ATP9B: variants seen among roughly 807,000 people sequenced by gnomAD.
The protein encoded by ATP9B is probable phospholipid-transporting ATPase IIB.
ATP9B carries 110 observed loss-of-function variants against 146.1 expected under a neutral mutation model. That is an observed-to-expected ratio of 0.75 (90% CI 0.65 to 0.88). The LOEUF (loss-of-function observed/expected upper bound fraction) is 0.88, where lower values mean the gene tolerates loss of function less well. ATP9B is among the 40% of genes least tolerant of loss of function. ATP9B has a pLI of 0.00. For synonymous variants in ATP9B, 604 were observed against 569.7 expected (o/e 1.06, Z -0.86); for missense variants, 1,499 against 1,496.4 (o/e 1.00, Z -0.03).
At chr18:79,258,132 T>A (rs2096102223) in intron 12 of ATP9B, among the ~76,000 whole-genome samples, 1 of 152,232 alleles carries the variant, frequency 6.6e-6, no homozygotes, top group Admixed American at 6.5e-5. Flanking sequence ...TAACTAAAAC[T>A]AATTTTTGTT....
At chr18:79,347,747 G>A (rs763678903) in intron 23 of ATP9B, 23 bp from the exon 24 acceptor site, 31 of 1,510,788 alleles carry the variant, frequency 2.1e-5, no homozygotes, top group Non-Finnish European at 2.6e-5. Context: ...TGTTTGAAAA[G>A]GCCCCGTGTG....
chr18:79,121,676 C>T (rs1233197399), intron 4 of ATP9B, among the ~76,000 whole-genome samples: 3 of 152,286 alleles, frequency 2.0e-5, no homozygotes, highest in South Asian at 2.1e-4. Context: ...AGGGGATGGA[C>T]GTGATGGTGG....
At chr18:79,371,002 C>T (rs1259307941) in intron 26 of ATP9B, among the ~76,000 whole-genome samples, 1 of 152,174 alleles carries the variant, frequency 6.6e-6, no homozygotes. Flanking sequence ...AGAGAAATGT[C>T]CTTGGGAAAT....
At chr18:79,163,869 T>TATACACAC (rs2094921695) in intron 7 of ATP9B, among the ~76,000 whole-genome samples, 2 of 142,784 alleles carry the variant, frequency 1.4e-5, no homozygotes, top group East Asian at 2.1e-4. Flanking sequence ...TTTTATTTTA[T>TATACACAC]ACACACACAC....
intron 14 of ATP9B, among the ~76,000 whole-genome samples, chr18:79,305,399 T>C (rs1219718907): frequency 1.3e-5 from 2 of 152,344 alleles, no homozygotes; most frequent in East Asian, 3.9e-4. Context: ...GCATATGGAA[T>C]GTTTATCCAC....
In ATP9B at chr18:79,118,390, G is replaced by GGTTTTTTTTTTTTTTTTTTTT. The variant is rs1555689295; in HGVS notation, c.558+5036_558+5037insGTTTTTTTTTTTTTTTTTTTT. Among the ~76,000 whole-genome samples the GGTTTTTTTTTTTTTTTTTTTT allele has an allele frequency of 2.1e-5, 2 of 93,238 alleles. 1 individual carries two copies. Among genetic ancestry groups the GGTTTTTTTTTTTTTTTTTTTT allele is most frequent in the African/African-American group, 7.8e-5 (2 of 25,628 alleles). 61.2% of individuals were successfully genotyped at this position (93,238 alleles called of 152,430 possible). On this transcript the variant is annotated intron_variant, in intron 4 of 29. Coordinates refer to ENST00000426216, the MANE Select transcript of ATP9B (RefSeq NM_198531.5). ...AAACACAATCATATTGAACGTTTTT[G>GGTTTTTTTTTTTTTTTTTTTT]TTTTTTTTTTTTTTTTTTTTTTTTT...
chr18:79,181,036 C>G (rs1253236397), intron 8 of ATP9B, among the ~76,000 whole-genome samples: 1 of 151,590 alleles, frequency 6.6e-6, no homozygotes, highest in Non-Finnish European at 1.5e-5. Context: ...GTCTTGAACT[C>G]CTGACCTCAG....
intron 2 of ATP9B, among the ~76,000 whole-genome samples, chr18:79,105,500 T>A (rs1463218883): frequency 6.6e-6 from 1 of 152,258 alleles, no homozygotes; most frequent in Non-Finnish European, 1.5e-5. Flanking sequence ...TCTTCATGGC[T>A]TGAGACCTGC....
At chr18:79,328,408 A>G (rs975873738) in intron 15 of ATP9B, among the ~76,000 whole-genome samples, 2 of 152,364 alleles carry the variant, frequency 1.3e-5, no homozygotes, top group Non-Finnish European at 2.9e-5. Flanking sequence ...TAATAAGTCA[A>G]TAAATAATTA....
chr18:79,238,806 T>G (rs890229604), intron 11 of ATP9B, among the ~76,000 whole-genome samples: 1 of 152,102 alleles, frequency 6.6e-6, no homozygotes, highest in Non-Finnish European at 1.5e-5. Context: ...CGCTAATAGA[T>G]TTCCAAAGAG....
At chr18:79,133,333 A>G (rs553960505) in intron 5 of ATP9B, among the ~76,000 whole-genome samples, 1 of 152,344 alleles carries the variant, frequency 6.6e-6, no homozygotes, top group South Asian at 2.1e-4. Context: ...AGTTGCACCA[A>G]GTAATTTTGT....
intron 11 of ATP9B, among the ~76,000 whole-genome samples, chr18:79,245,424 CA>C (rs11286619): frequency 0.15 from 22,663 of 151,692 alleles, 1,794 homozygotes; most frequent in Admixed American, 0.2. Context: ...TACATTAAGA[CA>C]AAAAAAACAG....
At chr18:79,251,332 A>C (rs1329927241) in intron 11 of ATP9B, among the ~76,000 whole-genome samples, 1 of 152,218 alleles carries the variant, frequency 6.6e-6, no homozygotes, top group Non-Finnish European at 1.5e-5. Context: ...AAAGGCCATG[A>C]AGTATTTATT....
intron 12 of ATP9B, among the ~76,000 whole-genome samples, chr18:79,270,378 T>G (rs987132977): frequency 6.6e-5 from 10 of 152,158 alleles, no homozygotes; most frequent in African/African-American, 2.4e-4. Flanking sequence ...GTATTTTACT[T>G]TAAAATTTTT....
intron 2 of ATP9B, among the ~76,000 whole-genome samples, 199 bp downstream of exon 2, chr18:79,096,848 G>C (rs747673116): frequency 2.6e-5 from 4 of 152,044 alleles, no homozygotes; most frequent in African/African-American, 9.7e-5. Context: ...ATTATCTTAC[G>C]AGAAGTTTTA....
chr18:79,142,668 T>G (rs2094528553), intron 5 of ATP9B, among the ~76,000 whole-genome samples: 1 of 152,256 alleles, frequency 6.6e-6, no homozygotes, highest in South Asian at 2.1e-4. Flanking sequence ...TCACACGTAA[T>G]TCTAAAGACC....
intron 8 of ATP9B, among the ~76,000 whole-genome samples, chr18:79,190,543 CACATATACAT>C (rs2095355595): frequency 6.9e-6 from 1 of 144,364 alleles, no homozygotes; most frequent in Non-Finnish European, 1.5e-5. Context: ...CACACACACA[CACATATACAT>C]ATATTTTTGG....
At chr18:79,226,577 G>A (rs1449086095) in intron 11 of ATP9B, among the ~76,000 whole-genome samples, 1 of 152,238 alleles carries the variant, frequency 6.6e-6, no homozygotes, top group Non-Finnish European at 1.5e-5. Context: ...ATAACCGTTT[G>A]CTTAGGTGCC....
At chr18:79,132,497 C>A (rs72992304) in intron 5 of ATP9B, among the ~76,000 whole-genome samples, 6 of 152,164 alleles carry the variant, frequency 3.9e-5, no homozygotes, top group African/African-American at 1.4e-4. Context: ...GGTGCTTGAA[C>A]CTAGATCATT....
Sources: gnomAD v4.1 joint callset for allele counts (sites outside exome capture counted in the v4.1 genomes callset) on GRCh38, gnomAD v4.1.1 for gene constraint, MANE v1.5 for transcripts, NCBI Gene and HGNC (gene_info 2026-07-23, HGNC 2026-07-21) for gene names.